Variants in L3MBTL1 observed in about 807,000 individuals in gnomAD.
The protein encoded by L3MBTL1 is lethal(3)malignant brain tumor-like protein 1.
In L3MBTL1, 75 loss-of-function variants were observed where a neutral mutation model predicts 105.3. The observed-to-expected ratio is 0.71, with a 90% CI of 0.59 to 0.86. The LOEUF (loss-of-function observed/expected upper bound fraction) is 0.86, where lower values mean the gene tolerates loss of function less well. Ranked by LOEUF, L3MBTL1 falls within the 40% of genes least tolerant of loss-of-function variation. The pLI is 0.00. For synonymous variants in L3MBTL1, 452 were observed against 436.2 expected (o/e 1.04, Z -0.45); for missense variants, 1,069 against 1,126.4 (o/e 0.95, Z 0.73).
At chr20:43,545,460 G>A (rs1029194509), downstream of L3MBTL1, among the ~76,000 whole-genome samples, 1 of 152,186 alleles carries the variant, frequency 6.6e-6, no homozygotes, top group East Asian at 1.9e-4. Flanking sequence ...CTGGGGGTCA[G>A]CAAAGAGAGC....
In L3MBTL1 at chr20:43,516,178, G is replaced by T; in HGVS notation, c.862+1G>T. On this transcript the variant is annotated splice_donor_variant, in intron 7 of 21. Transcript: ENST00000418998. LOFTEE classifies it high-confidence loss of function. Reference sequence around the variant, plus strand: ...GAGGAGTGGAGCAGCAGCCAGCCTGGTACGGTGGCTTGTGTGTATATATAT... The same window carrying T: ...GAGGAGTGGAGCAGCAGCCAGCCTGTTACGGTGGCTTGTGTGTATATATAT... 6.2e-7 allele frequency: 1 copy of T among 1,612,296 alleles called. No homozygotes were observed. The highest frequency in any genetic ancestry group is 8.5e-7 in the Non-Finnish European group (1 of 1,178,460).
Position 43,530,859 on chromosome 20 carries a change from C to T in L3MBTL1, c.1254C>T (p.Ala418=). The T allele has an allele frequency of 6.2e-7, 1 of 1,614,024 alleles. No individual in the cohort carries two copies. Among genetic ancestry groups the T allele is most frequent in the Non-Finnish European group, 8.5e-7 (1 of 1,179,970 alleles). The change falls in exon 11 of 22, where the codon GCC becomes GCT. Residue 418 remains alanine, a synonymous_variant. Transcript: ENST00000418998. ...QYLRSTRAQA[A]PKHLFVSQSH... is the part of the protein sequence containing the mutation. ...TGCGCAGCACAAGAGCTCAGGCTGC[C>T]CCCAAGCACCTGTTTGTGAGCCAGA...
chr20:43,550,913 T>C (rs1479979154), exon 19 of L3MBTL1: 1 of 152,214 alleles, frequency 6.6e-6, no homozygotes, highest in Non-Finnish European at 1.5e-5. Context: ...GATCTGTCAG[T>C]GTATCAAAAC....
At chr20:43,539,793 G>A in intron 19 of L3MBTL1, 1 of 360,858 alleles carries the variant, frequency 2.8e-6, no homozygotes. Flanking sequence ...TTGTTTGGAT[G>A]TTAAGGACCC....
chr20:43,534,302 C>G lies in L3MBTL1; in HGVS notation c.1618C>G (p.Leu540Val), dbSNP rs779461405. The change falls in exon 15 of 22, where the codon CTG becomes GTG. Residue 540 changes from leucine (L) to valine (V), a missense_variant. Transcript: ENST00000418998. ...TCTGCAGCGACCCCCTCACAGCTTC[C>G]TGGTCAATATGAAGCTGGAGGCTGT... ...AFKVRPPHSF[L>V]VNMKLEAVDR... The G allele has an allele frequency of 1.2e-6, 2 of 1,614,066 alleles. No homozygotes were observed. The highest frequency in any genetic ancestry group is 1.7e-6 in the Non-Finnish European group (2 of 1,180,002).
Position 43,514,999 on chromosome 20 carries a change from G to T in L3MBTL1, c.503-10G>T. 2 of 1,612,362 alleles carry T rather than the reference G, an allele frequency of 1.2e-6. No homozygotes were observed. Among genetic ancestry groups the T allele is most frequent in the Non-Finnish European group, 1.7e-6 (2 of 1,178,948 alleles). On this transcript the variant is annotated splice_polypyrimidine_tract_variant and intron_variant, in intron 4 of 21. Coordinates refer to ENST00000418998, the MANE Select transcript of L3MBTL1 (RefSeq NM_001377303.1). Reference sequence around the variant, plus strand: ...GGGAGGGAGGCCTGAGGCCCATTTGGCCCCCGCAGAGGACCACCCCCAGAA... The same window carrying T: ...GGGAGGGAGGCCTGAGGCCCATTTGTCCCCCGCAGAGGACCACCCCCAGAA...
Position 43,515,365 on chromosome 20 carries a change from C to G in L3MBTL1, c.727C>G (p.Arg243Gly), listed in dbSNP as rs1326323686. Reference sequence around the variant, plus strand: ...CCTCAAACCCATGAAGAAGAGGAAGCGCAGGGAATACCAGAGCCCATCAGA... The same window carrying G: ...CCTCAAACCCATGAAGAAGAGGAAGGGCAGGGAATACCAGAGCCCATCAGA... ...ELLKPMKKRK[R>G]REYQSPSEEE... The change falls in exon 6 of 22, where the codon CGC (arginine) becomes GGC (glycine). Residue 243 changes from arginine to glycine, a missense_variant. Arg to Gly is a moderately radical substitution (Grantham distance 125, BLOSUM62 -2). Transcript: ENST00000418998. The G allele has an allele frequency of 3.2e-6, 5 of 1,564,758 alleles. No individual in the cohort carries two copies. Among genetic ancestry groups the G allele is most frequent in the East Asian group, 2.4e-5 (1 of 42,424 alleles).
exon 19 of L3MBTL1, chr20:43,549,834 T>A (rs1978873444): frequency 6.6e-6 from 1 of 152,144 alleles, no homozygotes; most frequent in Non-Finnish European, 1.5e-5. Context: ...TCATTAAAAT[T>A]TGAAGCTTTA....
chr20:43,541,449 C>G lies in L3MBTL1; in HGVS notation c.*321C>G, dbSNP rs2019911533. 3.3e-6 allele frequency: 1 copy of G among 306,228 alleles called. No individual in the cohort carries two copies. The highest frequency in any genetic ancestry group is 6.2e-6 in the Non-Finnish European group (1 of 162,414). 19.0% of individuals were successfully genotyped at this position (306,228 alleles called of 1,614,324 possible). On this transcript the variant is annotated 3_prime_UTR_variant, in exon 22 of 22. Transcript: ENST00000418998. ...TGATGAATGAATCATACCAGAACGTCTAGTATAATTACAGTCATGCATTGC... is the reference window on the plus strand; with the variant it reads ...TGATGAATGAATCATACCAGAACGTGTAGTATAATTACAGTCATGCATTGC...
rs2019900832 is a variant in L3MBTL1, at chr20:43,541,196, T to C, written c.*68T>C. 5 of 1,563,060 alleles carry C rather than the reference T, an allele frequency of 3.2e-6. No homozygotes were observed. The highest frequency in any genetic ancestry group is 2.7e-5 in the African/African-American group (2 of 74,028). On this transcript the variant is annotated 3_prime_UTR_variant, in exon 22 of 22. Transcript: ENST00000418998. ...AAGTGTATTTTGAATGACACAGATATTGTGATTTACTGCAAGGATCCTAAC... is the reference window on the plus strand; with the variant it reads ...AAGTGTATTTTGAATGACACAGATACTGTGATTTACTGCAAGGATCCTAAC...
rs73105340 is a variant in L3MBTL1, at chr20:43,521,742, A to G, written c.862+5565A>G. On this transcript the variant is annotated intron_variant, in intron 7 of 21. Coordinates refer to ENST00000418998, the MANE Select transcript of L3MBTL1 (RefSeq NM_001377303.1). ...ATTTTTTATCATTATTTTTAGAGAC[A>G]GGGTCTTACTGTGTTGCCCAGACTG... Among the ~76,000 whole-genome samples the G allele has an allele frequency of 3.9e-3, 596 of 152,284 alleles. 1 individual carries two copies. Among genetic ancestry groups the G allele is most frequent in the Middle Eastern group, 0.024 (7 of 294 alleles).
At chr20:43,548,816 G>T (rs1211283285) in exon 19 of L3MBTL1, 1 of 152,230 alleles carries the variant, frequency 6.6e-6, no homozygotes, top group African/African-American at 2.4e-5. Flanking sequence ...TTCCCCCTGA[G>T]ATATGTGAAC....
chr20:43,511,815 C>A (rs1446924190), intron 1 of L3MBTL1, among the ~76,000 whole-genome samples: 3 of 151,186 alleles, frequency 2.0e-5, no homozygotes, highest in Non-Finnish European at 2.9e-5. Flanking sequence ...TAAAGAAAGA[C>A]CTCTTCTGAG....
intron 8 of L3MBTL1, 60 bp from the exon 9 acceptor site, chr20:43,529,204 C>A (rs918700366): frequency 2.2e-6 from 3 of 1,338,458 alleles, no homozygotes; most frequent in East Asian, 2.5e-5. Context: ...CACCCCAAGC[C>A]CACTAGGCAA....
chr20:43,530,841 C>T lies in L3MBTL1; in HGVS notation c.1236C>T (p.Ser412=). ...TCAGCTGGAGCCAGTACCTGCGCAG[C>T]ACAAGAGCTCAGGCTGCCCCCAAGC... The part of the protein sequence containing the change: ...EEFSWSQYLR[S]TRAQAAPKHL... The change falls in exon 11 of 22, where the codon AGC becomes AGT. Residue 412 remains serine, a synonymous_variant. Transcript: ENST00000418998. 1 of 1,614,174 alleles carries T rather than the reference C, an allele frequency of 6.2e-7. No homozygotes were observed. Among genetic ancestry groups the T allele is most frequent in the Non-Finnish European group, 8.5e-7 (1 of 1,180,030 alleles).
downstream of L3MBTL1, among the ~76,000 whole-genome samples, chr20:43,546,183 G>A (rs1978587573): frequency 6.6e-6 from 1 of 152,218 alleles, no homozygotes; most frequent in South Asian, 2.1e-4. Context: ...GGTGGTAGAG[G>A]GAACAGAGCT....
At chr20:43,546,369 G>A (rs1020603440), downstream of L3MBTL1, among the ~76,000 whole-genome samples, 2 of 152,172 alleles carry the variant, frequency 1.3e-5, no homozygotes, top group Non-Finnish European at 2.9e-5. Flanking sequence ...CAGTGGTTAG[G>A]AACACAGGTC....
downstream of L3MBTL1, chr20:43,541,968 C>T (rs1336245732): frequency 3.3e-5 from 30 of 903,304 alleles, no homozygotes; most frequent in East Asian, 1.2e-4. Flanking sequence ...CTCAGGACTT[C>T]GGGAGGCCAC....
Position 43,541,656 on chromosome 20 carries a change from A to G in L3MBTL1, c.*528A>G, listed in dbSNP as rs2019920724. On this transcript the variant is annotated 3_prime_UTR_variant, in exon 22 of 22. Transcript: ENST00000418998. The stretch of plus-strand genomic sequence containing the variant: ...GAATGTCAGTCATTTCCCCTACTTG[A>G]TCTGCAATGCCAATATCAAGGGCCA... 9.6e-6 allele frequency: 2 copies of G among 209,264 alleles called. No individual in the cohort carries two copies. Among genetic ancestry groups the G allele is most frequent in the Non-Finnish European group, 1.7e-5 (2 of 118,366 alleles). The allele number at this position is 209,264 out of a possible 1,614,324, so 13.0% of individuals were successfully genotyped here.
Sources: allele counts gnomAD v4.1 joint callset (sites outside exome capture counted in the v4.1 genomes callset), GRCh38; gene constraint gnomAD v4.1.1; transcripts MANE v1.5; gene names NCBI Gene and HGNC (gene_info 2026-07-23, HGNC 2026-07-21).